LONP2: variants seen among roughly 807,000 people sequenced by gnomAD.
The protein encoded by LONP2 is lon protease homolog 2, peroxisomal.
LONP2 carries 60 observed loss-of-function variants against 85.6 expected under a neutral mutation model. The ratio of observed to expected loss-of-function variants is 0.70; its 90% CI spans 0.57 to 0.87. LONP2 has a LOEUF of 0.87. LONP2 is among the 40% of genes least tolerant of loss of function. The pLI is 0.00. For missense variants in LONP2, 860 were observed against 1,063.5 expected (o/e 0.81, Z 2.66); for synonymous variants, 395 against 389.7 (o/e 1.01, Z -0.16).
In LONP2 at chr16:48,244,367, C is replaced by A; in HGVS notation, c.-22C>A. 6.6e-7 allele frequency: 1 copy of A among 1,506,474 alleles called. No homozygotes were observed. Among genetic ancestry groups the A allele is most frequent in the Middle Eastern group, 1.7e-4 (1 of 5,768 alleles). 93.3% of individuals were successfully genotyped at this position (1,506,474 alleles called of 1,614,324 possible). ...GTCTGTCTGGCTCTTTTTGACAGCC[C>A]CCAGTGCGAAAGGCTGCCAGCATGT... is the stretch of plus-strand genomic sequence containing the variant. On this transcript the variant is annotated 5_prime_UTR_variant, in exon 1 of 15. Transcript: ENST00000285737.
intron 11 of LONP2, among the ~76,000 whole-genome samples, chr16:48,321,488 T>A (rs1973263177): frequency 6.6e-6 from 1 of 152,232 alleles, no homozygotes; most frequent in Non-Finnish European, 1.5e-5. Context: ...AGCTAGCATT[T>A]ACTGAATAGT....
chr16:48,269,468 G>A (rs1339228298), intron 6 of LONP2, among the ~76,000 whole-genome samples: 4 of 151,812 alleles, frequency 2.6e-5, no homozygotes, highest in Non-Finnish European at 5.9e-5. Context: ...TATATTAAGT[G>A]AAAAAAACAT....
At chr16:48,300,676 C>G (rs980905572) in intron 10 of LONP2, among the ~76,000 whole-genome samples, 1 of 148,366 alleles carries the variant, frequency 6.7e-6, no homozygotes. Flanking sequence ...GATTTATATA[C>G]AAAGCAGTAA....
At chr16:48,299,548 C>T in intron 9 of LONP2, 114 bp from the exon 10 acceptor site, 1 of 1,155,672 alleles carries the variant, frequency 8.7e-7, no homozygotes, top group Non-Finnish European at 1.2e-6. Flanking sequence ...CGCCACTGCA[C>T]TGCAGCCTGG....
intron 7 of LONP2, among the ~76,000 whole-genome samples, chr16:48,270,740 A>G (rs922707557): frequency 1.3e-5 from 2 of 152,186 alleles, no homozygotes; most frequent in African/African-American, 4.8e-5. Flanking sequence ...TTGTATTATG[A>G]ATATGAGTAA....
rs750441042 is a variant in LONP2 at position 48,351,641 on chromosome 16, A to C, written c.2398A>C (p.Ile800Leu). ...CAGAGCGGGACTGAAGCAAGTCATTATTCCTCGGAGAAATGAAAAAGACCT... is the reference window on the plus strand; with the variant it reads ...CAGAGCGGGACTGAAGCAAGTCATTCTTCCTCGGAGAAATGAAAAAGACCT... Reference protein sequence around the residue: ...AHRAGLKQVIIPRRNEKDLEG... With the variant: ...AHRAGLKQVILPRRNEKDLEG... Residue 800 changes from isoleucine to leucine, a missense_variant, in exon 15 of 15, where the codon ATT becomes CTT. By Grantham distance (5) the Ile-to-Leu change is conservative. Around this residue, in one of 3 missense-constraint regions of LONP2, gnomAD observed 115 missense variants for 129.0 expected, o/e 0.89. Coordinates refer to ENST00000285737, the MANE Select transcript of LONP2 (RefSeq NM_031490.5). 1.9e-6 allele frequency: 3 copies of C among 1,614,124 alleles called. No homozygotes were observed. In the South Asian group the frequency reaches 3.3e-5, roughly 18 times the overall value.
At position 48,351,702 on chromosome 16, in the gene LONP2, GT is replaced by G. The variant is rs1960155482; in HGVS notation, c.2463del (p.Phe821LeufsTer28). On this transcript the variant is annotated frameshift_variant, in exon 15 of 15. Coordinates refer to ENST00000285737, the MANE Select transcript of LONP2 (RefSeq NM_031490.5). LOFTEE classifies it high-confidence loss of function. ...CCAGGCAACGTACGACAGGATTTAA[GT>G]TTTGTCACAGCAAGCTGCCTGGATG... ...GIPGNVRQDL[S>X]FVTASCLDEV... The G allele has an allele frequency of 6.2e-7, 1 of 1,614,076 alleles. No individual in the cohort carries two copies. Among genetic ancestry groups the G allele is most frequent in the African/African-American group, 1.3e-5 (1 of 74,930 alleles).
rs141272789 is a variant in LONP2 at position 48,269,244 on chromosome 16, T to C, written c.983-772T>C. The stretch of plus-strand genomic sequence containing the variant: ...ACCCAGCACTTCTGTTCATAGAAGA[T>C]AAGCTGAAAGAAATCATTGCAGATA... On this transcript the variant is annotated intron_variant, in intron 6 of 14. Transcript: ENST00000285737. Among the ~76,000 whole-genome samples the C allele has an allele frequency of 1.9e-3, 284 of 151,642 alleles. 1 individual carries two copies. Among genetic ancestry groups the C allele is most frequent in the Non-Finnish European group, 2.5e-3 (167 of 67,938 alleles).
chr16:48,287,791 A>G (rs1235862569), intron 8 of LONP2, among the ~76,000 whole-genome samples: 1 of 152,208 alleles, frequency 6.6e-6, no homozygotes, highest in Admixed American at 6.5e-5. Flanking sequence ...CACTCCTCAA[A>G]TTGTTGCAAG....
intron 8 of LONP2, among the ~76,000 whole-genome samples, chr16:48,287,944 T>C (rs1972481745): frequency 6.6e-6 from 1 of 152,204 alleles, no homozygotes; most frequent in African/African-American, 2.4e-5. Flanking sequence ...ATTTTGATTC[T>C]GTGCTTGAAT....
intron 6 of LONP2, among the ~76,000 whole-genome samples, chr16:48,264,140 C>A (rs1971937146): frequency 6.6e-6 from 1 of 152,176 alleles, no homozygotes; most frequent in Non-Finnish European, 1.5e-5. Context: ...AATGAAGTTT[C>A]GGGCACCATT....
intron 11 of LONP2, among the ~76,000 whole-genome samples, chr16:48,330,765 A>G (rs1326512470): frequency 6.6e-6 from 1 of 152,178 alleles, no homozygotes; most frequent in African/African-American, 2.4e-5. Context: ...TTCTAGGCAT[A>G]TATTCTAATG....
At chr16:48,271,724 T>A (rs1260787778) in intron 7 of LONP2, among the ~76,000 whole-genome samples, 1 of 152,006 alleles carries the variant, frequency 6.6e-6, no homozygotes, top group Admixed American at 6.6e-5. Context: ...TCTAAAAAAA[T>A]AATAATAATA....
chr16:48,336,492 G>A (rs1959654098), intron 12 of LONP2: 1 of 454,972 alleles, frequency 2.2e-6, no homozygotes, highest in Non-Finnish European at 4.4e-6. Flanking sequence ...ATTTCACCTG[G>A]GTACAGGTGA....
intron 1 of LONP2, among the ~76,000 whole-genome samples, chr16:48,245,124 C>T (rs527540671): frequency 1.2e-4 from 18 of 152,194 alleles, no homozygotes; most frequent in Non-Finnish European, 2.2e-4. Flanking sequence ...CATTCCTAAA[C>T]TGCACTATTT....
chr16:48,333,363 C>T (rs898003302), intron 11 of LONP2, among the ~76,000 whole-genome samples: 1 of 152,132 alleles, frequency 6.6e-6, no homozygotes, highest in Non-Finnish European at 1.5e-5. Flanking sequence ...GGATTTCAAA[C>T]CAGGCTTTGT....
chr16:48,297,413 G>A (rs950379623), intron 9 of LONP2, among the ~76,000 whole-genome samples: 4 of 151,696 alleles, frequency 2.6e-5, no homozygotes, highest in African/African-American at 7.3e-5. Context: ...TGGTTCAAGC[G>A]ATTCTTGTGC....
At chr16:48,306,142 T>C (rs2151003928) in intron 11 of LONP2, among the ~76,000 whole-genome samples, 1 of 152,328 alleles carries the variant, frequency 6.6e-6, no homozygotes, top group East Asian at 1.9e-4. Context: ...CTTTTTATTC[T>C]TGTCTGATAT....
downstream of LONP2, among the ~76,000 whole-genome samples, chr16:48,360,115 C>A (rs975884846): frequency 4.6e-5 from 7 of 152,220 alleles, no homozygotes; most frequent in Admixed American, 3.9e-4. Context: ...TAATTTAACC[C>A]CACTTTACAC....
Sources: allele counts gnomAD v4.1 joint callset (sites outside exome capture counted in the v4.1 genomes callset), GRCh38; gene constraint gnomAD v4.1.1; regional missense constraint gnomAD v4.1.1; transcripts MANE v1.5; gene names NCBI Gene and HGNC (gene_info 2026-07-23, HGNC 2026-07-21).